MBOAT7: variants seen among roughly 807,000 people sequenced by gnomAD.
MBOAT7 encodes the protein membrane bound acylglycerophosphatidylinositol O-acyltransferase MBOAT7, also known as membrane-bound acylglycerophosphatidylinositol O-acyltransferase MBOAT7.
In MBOAT7, 40 loss-of-function variants were observed where a neutral mutation model predicts 47.4. The observed-to-expected ratio is 0.84, with a 90% confidence interval of 0.66 to 1.10. The LOEUF (loss-of-function observed/expected upper bound fraction) is 1.10, where lower values mean the gene tolerates loss of function less well. MBOAT7 is among the 50% of genes least tolerant of loss of function. MBOAT7 has a pLI of 0.00. For synonymous variants in MBOAT7, 361 were observed against 292.0 expected (o/e 1.24, Z -2.41); for missense variants, 680 against 655.6 (o/e 1.04, Z -0.41).
At chr19:54,181,965 G>A (rs1273424518) in intron 5 of MBOAT7, among the ~76,000 whole-genome samples, 1 of 68,052 alleles carries the variant, frequency 1.5e-5, no homozygotes, top group African/African-American at 6.3e-5. Flanking sequence ...GAGGGAAGGA[G>A]GGAAGGAAGG....
chr19:54,173,564 TCA>T lies in MBOAT7; in HGVS notation c.*478_*479del, dbSNP rs1337820799. 28 of 179,306 alleles carry T rather than the reference TCA, an allele frequency of 1.6e-4. No individual in the cohort carries two copies. The highest frequency in any genetic ancestry group is 7.0e-5 in the Non-Finnish European group (6 of 85,542). 11.1% of individuals were successfully genotyped at this position (179,306 alleles called of 1,614,324 possible). ...GTCCCCAGGCCCGCGCACCCGCACCTCAGTTTCCCCTTTGTGAAATGGGAAGC... is the reference window on the plus strand; with the variant it reads ...GTCCCCAGGCCCGCGCACCCGCACCTGTTTCCCCTTTGTGAAATGGGAAGC... On this transcript the variant is annotated 3_prime_UTR_variant, in exon 8 of 8. Transcript: ENST00000245615.
rs1164700761 is a variant in MBOAT7, at chr19:54,188,502, G to A, written c.7C>T (p.Pro3Ser). 1.3e-6 allele frequency: 2 copies of A among 1,552,886 alleles called. No individual in the cohort carries two copies. Among genetic ancestry groups the A allele is most frequent in the Non-Finnish European group, 1.7e-6 (2 of 1,147,492 alleles). The change falls in exon 2 of 8, where the codon CCT becomes TCT. Residue 3 changes from proline (P) to serine (S), a missense_variant. Pro to Ser is a moderately conservative substitution (Grantham distance 74). Transcript: ENST00000245615. MS[P>S]EEWTYLVVLL... The stretch of plus-strand genomic sequence containing the variant: ...ACCACTAGATACGTCCATTCTTCAG[G>A]CGACATGGTCTGGGGGAGGGGCAGA...
At chr19:54,186,169 AC>A (rs2076423045) in intron 4 of MBOAT7, among the ~76,000 whole-genome samples, 1 of 151,680 alleles carries the variant, frequency 6.6e-6, no homozygotes, top group Non-Finnish European at 1.5e-5. Context: ...ATGTGCCACC[AC>A]GCCCAGCTAA....
At chr19:54,189,051 AGAC>A (rs1199127794) in intron 1 of MBOAT7, 1 of 116,524 alleles carries the variant, frequency 8.6e-6, no homozygotes, top group African/African-American at 3.1e-5. Context: ...TTCTCCTTCG[AGAC>A]CACCCAGAGG....
Position 54,174,032 on chromosome 19 carries a change from C to A in MBOAT7, c.*12G>T. Reference sequence around the variant, plus strand: ...TCCCGGGACCAGCTGGCAGAGGGAGCGTCGTGACAGCTTACTCCTCCCGGA... The same window carrying A: ...TCCCGGGACCAGCTGGCAGAGGGAGAGTCGTGACAGCTTACTCCTCCCGGA... On this transcript the variant is annotated 3_prime_UTR_variant, in exon 8 of 8. Coordinates refer to ENST00000245615, the MANE Select transcript of MBOAT7 (RefSeq NM_024298.5). 1.3e-6 allele frequency: 2 copies of A among 1,559,896 alleles called. No individual in the cohort carries two copies. The highest frequency in any genetic ancestry group is 1.2e-5 in the South Asian group (1 of 83,198).
chr19:54,175,583 T>C (rs1000455614), intron 7 of MBOAT7, among the ~76,000 whole-genome samples: 4 of 152,164 alleles, frequency 2.6e-5, no homozygotes, highest in African/African-American at 7.2e-5. Context: ...TTTTATTTTT[T>C]TGGAGACAGA....
rs201366800 is a variant in MBOAT7, at chr19:54,188,299, T to G, written c.124A>C (p.Thr42Pro). 6.2e-7 allele frequency: 1 copy of G among 1,613,296 alleles called. No individual in the cohort carries two copies. The highest frequency in any genetic ancestry group is 8.5e-7 in the Non-Finnish European group (1 of 1,179,834). The change falls in exon 3 of 8, where the codon ACC (threonine) becomes CCC (proline). Residue 42 changes from threonine to proline, a missense_variant. By Grantham distance (38) the Thr-to-Pro change is conservative. Coordinates refer to ENST00000245615, the MANE Select transcript of MBOAT7 (RefSeq NM_024298.5). ...WGAAAVGLGL[T>P]LFTCGPHTLH... The stretch of plus-strand genomic sequence containing the variant: ...GTGTGGGGGCCACAGGTGAACAGGG[T>G]GAGCCCCAGGCCCACAGCGGCTGCT...
In MBOAT7 at chr19:54,173,787, A is replaced by T; in HGVS notation, c.*257T>A. ...TTTGGGGAAGTGCAGTGCTCTCTGG[A>T]TACCCAGAAGCTGGAGCAGGGGCCA... is the stretch of plus-strand genomic sequence containing the variant. On this transcript the variant is annotated 3_prime_UTR_variant, in exon 8 of 8. Coordinates refer to ENST00000245615, the MANE Select transcript of MBOAT7 (RefSeq NM_024298.5). 2.2e-6 allele frequency: 1 copy of T among 450,824 alleles called. No homozygotes were observed. The highest frequency in any genetic ancestry group is 3.9e-6 in the Non-Finnish European group (1 of 257,574). The allele number at this position is 450,824 out of a possible 1,614,324, so 27.9% of individuals were successfully genotyped here. A position where few individuals can be genotyped will look rare whatever the true frequency, so the allele number is the denominator to read the frequency against.
At position 54,173,846 on chromosome 19, in the gene MBOAT7, A is replaced by G. The variant is rs577015014; in HGVS notation, c.*198T>C. 160 of 560,758 alleles carry G rather than the reference A, an allele frequency of 2.9e-4. No homozygotes were observed. Among genetic ancestry groups the G allele is most frequent in the African/African-American group, 2.6e-3 (134 of 50,798 alleles). The allele number at this position is 560,758 out of a possible 1,614,324, so 34.7% of individuals were successfully genotyped here. A position where few individuals can be genotyped will look rare whatever the true frequency, so the allele number is the denominator to read the frequency against. On this transcript the variant is annotated 3_prime_UTR_variant, in exon 8 of 8. Coordinates refer to ENST00000245615, the MANE Select transcript of MBOAT7 (RefSeq NM_024298.5). ...TGTCTGGACAATACTTTGATTTTGT[A>G]GGAGTGGAGGTGGCCTCTGGGCAGA...
chr19:54,174,227 C>G lies in MBOAT7; in HGVS notation c.1236G>C (p.Met412Ile), dbSNP rs2076006454. ...LKMRAYDYMC[M>I]GFVLLSLADT... is the part of the protein sequence containing the mutation. The stretch of plus-strand genomic sequence containing the variant: ...CGGCCAAGGAGAGCAGCACGAAGCC[C>G]ATGCACATGTAGTCATAGGCGCGCA... The change falls in exon 8 of 8, where the codon ATG becomes ATC. Residue 412 changes from methionine to isoleucine, a missense_variant. Met to Ile is a conservative substitution (Grantham distance 10). Coordinates refer to ENST00000245615, the MANE Select transcript of MBOAT7 (RefSeq NM_024298.5). 2.5e-6 allele frequency: 4 copies of G among 1,603,840 alleles called. No individual in the cohort carries two copies. The highest frequency in any genetic ancestry group is 2.6e-6 in the Non-Finnish European group (3 of 1,173,770).
rs756804673 is a variant in MBOAT7 at position 54,178,791 on chromosome 19, G to A, written c.1005C>T (p.Ser335=). ...QWWLAQYIYK[S]APARSYVLRS... is the part of the protein sequence containing the mutation. ...GCAGGACATAGGAACGGGCAGGTGC[G>A]CTCTTGTAGATATACTGCGCCAGCC... Residue 335 remains serine, a synonymous_variant, in exon 7 of 8, where the codon AGC becomes AGT. Coordinates refer to ENST00000245615, the MANE Select transcript of MBOAT7 (RefSeq NM_024298.5). 19 of 1,613,256 alleles carry A rather than the reference G, an allele frequency of 1.2e-5. No individual in the cohort carries two copies. The highest frequency in any genetic ancestry group is 1.1e-5 in the South Asian group (1 of 91,086).
rs1384854366 is a variant in MBOAT7 at position 54,178,880 on chromosome 19, T to C, written c.916A>G (p.Ser306Gly). The part of the protein sequence containing the change: ...YETIRNIDCY[S>G]TDFCVRVRDG... ...CGCACCCGCACGCAGAAATCTGTGC[T>C]GTAGCAGTCGATGTTGCGGATGGTC... Residue 306 changes from serine (S) to glycine (G), a missense_variant, in exon 7 of 8, where the codon AGC becomes GGC. By Grantham distance (56) the Ser-to-Gly change is moderately conservative (BLOSUM62 0). Transcript: ENST00000245615. 5 of 1,613,648 alleles carry C rather than the reference T, an allele frequency of 3.1e-6. No homozygotes were observed. Among genetic ancestry groups the C allele is most frequent in the Non-Finnish European group, 3.4e-6 (4 of 1,180,016 alleles).
At chr19:54,185,438 C>T (rs964768646) in intron 4 of MBOAT7, among the ~76,000 whole-genome samples, 3 of 152,102 alleles carry the variant, frequency 2.0e-5, no homozygotes, top group Non-Finnish European at 2.9e-5. Context: ...GCTCCTTCTG[C>T]CGGGCTGGGG....
At chr19:54,187,089 A>AG (rs2076446879) in intron 4 of MBOAT7, 72 bp downstream of exon 4, 1 of 1,491,608 alleles carries the variant, frequency 6.7e-7, no homozygotes, top group South Asian at 1.3e-5. Context: ...GAGCCACTGA[A>AG]GGGGGAGGTA....
At chr19:54,188,130 G>A (rs967263672) in intron 3 of MBOAT7, 87 bp downstream of exon 3, 3 of 1,359,488 alleles carry the variant, frequency 2.2e-6, no homozygotes, top group South Asian at 2.9e-5. Context: ...CTAGACATGA[G>A]GCAGAAGCTG....
intron 7 of MBOAT7, chr19:54,178,520 T>A (rs755855996): frequency 7.1e-7 from 1 of 1,417,660 alleles, no homozygotes; most frequent in Non-Finnish European, 9.2e-7. Context: ...CAGGACTCAG[T>A]ACATTGCTTC....
intron 7 of MBOAT7, among the ~76,000 whole-genome samples, chr19:54,177,900 GTTT>G (rs761565984): frequency 1.1e-4 from 8 of 75,974 alleles, no homozygotes; most frequent in African/African-American, 3.4e-4. Context: ...TTCTACTTCT[GTTT>G]TTTTTTTTTT....
At chr19:54,188,060 AG>A (rs2076497024) in intron 3 of MBOAT7, among the ~76,000 whole-genome samples, 156 bp downstream of exon 3, 3 of 57,668 alleles carry the variant, frequency 5.2e-5, no homozygotes, top group South Asian at 5.9e-4. Flanking sequence ...AAAGAAAGAA[AG>A]AAAGAAAGAC....
At chr19:54,179,164 G>T in intron 6 of MBOAT7, 1 of 593,828 alleles carries the variant, frequency 1.7e-6, no homozygotes, top group South Asian at 2.1e-5. Context: ...TGACAATGGG[G>T]TTCTTCTTCT....
Sources: allele counts gnomAD v4.1 joint callset (sites outside exome capture counted in the v4.1 genomes callset), GRCh38; gene constraint gnomAD v4.1.1; transcripts MANE v1.5; gene names NCBI Gene and HGNC (gene_info 2026-07-23, HGNC 2026-07-21).